SATB2: variants seen among roughly 807,000 people sequenced by gnomAD.
SATB2 encodes the protein SATB homeobox 2, also known as DNA-binding protein SATB2.
In SATB2, 1 loss-of-function variant was observed where a neutral mutation model predicts 73.4. The observed-to-expected ratio is 0.01, with a 90% CI of 0.00 to 0.06. SATB2 has a LOEUF of 0.06. SATB2 is among the 10% of genes least tolerant of loss of function. The probability of loss-of-function intolerance (pLI) is 1.00; values close to 1 mark genes in which losing one functional copy is unlikely to be tolerated. For synonymous variants in SATB2, 397 were observed against 367.0 expected, an observed-to-expected ratio of 1.08 and a Z score of -0.93; for missense variants, 459 against 945.8, an observed-to-expected ratio of 0.49 and a Z score of 6.75.
At chr2:199,333,467 TA>T (rs1341128338) in intron 7 of SATB2, among the ~76,000 whole-genome samples, 4 of 152,102 alleles carry the variant, frequency 2.6e-5, no homozygotes, top group African/African-American at 9.7e-5. Context: ...TACATGGATA[TA>T]AAGTTACGAT....
rs1406145331 is a variant in SATB2 at position 199,407,407 on chromosome 2, A to C, written c.347-25587T>G. Among the ~76,000 whole-genome samples, 3 of 152,130 alleles carry C rather than the reference A, an allele frequency of 2.0e-5. No individual in the cohort carries two copies. In the East Asian group the frequency reaches 5.8e-4, roughly 29 times the overall value. On this transcript the variant is annotated intron_variant, in intron 3 of 10. Transcript: ENST00000417098. ...GGCCAGGATCTGAAAGTTATCTCAT[A>C]ATCTTAATTAAGACTAGGTAACTAT...
intron 2 of SATB2, among the ~76,000 whole-genome samples, chr2:199,438,021 C>T (rs1181136815): frequency 6.6e-6 from 1 of 152,050 alleles, no homozygotes; most frequent in African/African-American, 2.4e-5. Flanking sequence ...CTTCATGTAG[C>T]AATTGAGTAC....
At chr2:199,387,727 T>C (rs1178127663) in intron 3 of SATB2, among the ~76,000 whole-genome samples, 1 of 152,212 alleles carries the variant, frequency 6.6e-6, no homozygotes, top group South Asian at 2.1e-4. Flanking sequence ...CACTAAAATA[T>C]AGAGTACCAA....
At chr2:199,468,677 T>C (rs1210535786), upstream of SATB2, among the ~76,000 whole-genome samples, 5 of 152,172 alleles carry the variant, frequency 3.3e-5, no homozygotes. Flanking sequence ...GCAGCCGTCT[T>C]CGTTAAATGG....
chr2:199,379,179 T>C (rs1233300871), intron 5 of SATB2, among the ~76,000 whole-genome samples: 1 of 152,088 alleles, frequency 6.6e-6, no homozygotes, highest in Non-Finnish European at 1.5e-5. Flanking sequence ...TAGAAAAAAA[T>C]GAGTCCCAGC....
intron 2 of SATB2, among the ~76,000 whole-genome samples, chr2:199,434,430 GA>G (rs1321893857): frequency 6.6e-6 from 1 of 152,068 alleles, no homozygotes; most frequent in African/African-American, 2.4e-5. Flanking sequence ...ATTCACCAAA[GA>G]TTTTTTTAAA....
chr2:199,464,362 G>T lies in SATB2; in HGVS notation c.-141+474C>A, dbSNP rs974611133. Reference sequence around the variant, plus strand: ...TCGGGCTTAGAGGACTTCACTGGGCGGGTTGGGGTTTATTTTCAATAAATT... The same window carrying T: ...TCGGGCTTAGAGGACTTCACTGGGCTGGTTGGGGTTTATTTTCAATAAATT... On this transcript the variant is annotated intron_variant, in intron 1 of 11. Transcript: ENST00000260926. This position sits in a 1 kb window ranked among gnomAD's most constrained non-coding sequence, Gnocchi z 6.6. 6.6e-6 allele frequency among the ~76,000 whole-genome samples: 1 copy of T among 152,176 alleles called. No homozygotes were observed. Among genetic ancestry groups the T allele is most frequent in the Non-Finnish European group, 1.5e-5 (1 of 68,034 alleles).
At chr2:199,423,861 T>C (rs1294912254) in intron 3 of SATB2, 1 of 152,168 alleles carries the variant, frequency 6.6e-6, no homozygotes, top group Non-Finnish European at 1.5e-5. Flanking sequence ...AGGTTTTAAA[T>C]GTTCTAGGAG....
rs746473092 is a variant in SATB2 at position 199,381,786 on chromosome 2, G to T, written c.381C>A (p.Pro127=). The stretch of plus-strand genomic sequence containing the variant: ...CGGGTGCATCTGTCACATAACTGAG[G>T]GGGAGAGGGTTCCACCTTCCCAGCT... ...IIKLGRWNPL[P]LSYVTDAPDA... The change falls in exon 4 of 11, where the codon CCC becomes CCA. Residue 127 remains proline, a synonymous_variant. Coordinates refer to ENST00000417098, the MANE Select transcript of SATB2 (RefSeq NM_001172509.2). 13 of 1,613,840 alleles carry T rather than the reference G, an allele frequency of 8.1e-6. No homozygotes were observed. In the African/African-American group the frequency reaches 1.7e-4, roughly 22 times the overall value.
intron 6 of SATB2, among the ~76,000 whole-genome samples, chr2:199,359,937 T>C (rs1201657943): frequency 2.0e-5 from 3 of 152,160 alleles, no homozygotes; most frequent in East Asian, 1.9e-4. Context: ...TTCTCACAAA[T>C]GGTGGAATGA....
At chr2:199,353,249 GGTT>G (rs1688875005) in intron 6 of SATB2, among the ~76,000 whole-genome samples, 1 of 135,638 alleles carries the variant, frequency 7.4e-6, no homozygotes, top group South Asian at 2.5e-4. Flanking sequence ...CCACCTCCCA[GGTT>G]CAAGTGATTC....
chr2:199,299,639 T>TC, intron 10 of SATB2, among the ~76,000 whole-genome samples: 1 of 151,836 alleles, frequency 6.6e-6, no homozygotes, highest in Non-Finnish European at 1.5e-5. Context: ...AATTTTGTTT[T>TC]TTTTCACTGT....
chr2:199,404,861 T>C (rs1690584609), intron 3 of SATB2, among the ~76,000 whole-genome samples: 2 of 152,212 alleles, frequency 1.3e-5, no homozygotes. Context: ...CTAAGAGCTT[T>C]AAACTTGTAA....
At chr2:199,379,662 C>A (rs188403531) in intron 5 of SATB2, among the ~76,000 whole-genome samples, 2 of 147,540 alleles carry the variant, frequency 1.4e-5, no homozygotes, top group Non-Finnish European at 3.0e-5. Context: ...ATATGTAAAA[C>A]GTCTATTTTC....
At chr2:199,364,040 T>C (rs775021997) in intron 6 of SATB2, among the ~76,000 whole-genome samples, 1 of 152,164 alleles carries the variant, frequency 6.6e-6, no homozygotes, top group Non-Finnish European at 1.5e-5. Context: ...TTAAAGGCAT[T>C]GTCCTGACCA....
At chr2:199,302,390 GTAATA>G (rs1455330779) in intron 10 of SATB2, among the ~76,000 whole-genome samples, 1 of 152,128 alleles carries the variant, frequency 6.6e-6, no homozygotes, top group Admixed American at 6.5e-5. Flanking sequence ...TGAAAACCTA[GTAATA>G]TAATAAACCA....
intron 7 of SATB2, among the ~76,000 whole-genome samples, chr2:199,332,517 T>C (rs1688217058): frequency 6.6e-6 from 1 of 152,266 alleles, no homozygotes; most frequent in South Asian, 2.1e-4. Context: ...CAATAACTTA[T>C]TATAATGCCA....
At chr2:199,311,459 T>A (rs1372432656) in intron 9 of SATB2, among the ~76,000 whole-genome samples, 1 of 152,124 alleles carries the variant, frequency 6.6e-6, no homozygotes, top group African/African-American at 2.4e-5. Context: ...AATTAGCTTA[T>A]GAATGTATCA....
chr2:199,402,345 A>C (rs1372543992), intron 3 of SATB2, among the ~76,000 whole-genome samples: 1 of 152,012 alleles, frequency 6.6e-6, no homozygotes, highest in East Asian at 1.9e-4. Context: ...AGATCACGCC[A>C]CTGCACTCCA....
Sources: gnomAD v4.1 joint callset for allele counts (sites outside exome capture counted in the v4.1 genomes callset) on GRCh38, gnomAD v4.1.1 for gene constraint, Gnocchi (gnomAD v3.1) non-coding constraint, MANE v1.5 for transcripts, NCBI Gene and HGNC (gene_info 2026-07-23, HGNC 2026-07-21) for gene names.